The following PTPRJ variants were observed in gnomAD, a reference collection of about 807,000 sequenced individuals.
The protein encoded by PTPRJ is protein tyrosine phosphatase receptor type J.
Under a neutral mutation model 141.3 loss-of-function variants are expected in PTPRJ, and 129 were observed. The ratio of observed to expected loss-of-function variants is 0.91; its 90% CI spans 0.79 to 1.06. The LOEUF (loss-of-function observed/expected upper bound fraction) is 1.06. Among genes scored for constraint, PTPRJ ranks in the 50% least tolerant of loss-of-function variants. The pLI is 0.00. For missense variants in PTPRJ, 1,601 were observed against 1,679.7 expected (o/e 0.95, Z 0.82); for synonymous variants, 610 against 640.5 (o/e 0.95, Z 0.72).
chr11:48,160,524 G>C lies in PTPRJ; in HGVS notation c.3558+475G>C, dbSNP rs187819740. Among the ~76,000 whole-genome samples, 84 of 152,284 alleles carry C rather than the reference G, an allele frequency of 5.5e-4. 1 individual carries two copies. Among genetic ancestry groups the C allele is most frequent in the Admixed American group, 8.5e-4 (13 of 15,296 alleles). ...TTACAAAAGCAAATCCAATTAAATT[G>C]TGCAGGCATTCTAGGAAGTCAAGTT... On this transcript the variant is annotated intron_variant, in intron 22 of 24. Coordinates refer to ENST00000418331, the MANE Select transcript of PTPRJ (RefSeq NM_002843.4).
At chr11:48,036,965 G>C (rs1854141640) in intron 1 of PTPRJ, among the ~76,000 whole-genome samples, 1 of 152,176 alleles carries the variant, frequency 6.6e-6, no homozygotes, top group Admixed American at 6.5e-5. Flanking sequence ...AGGTAAGTCA[G>C]CTTGTATCAG....
rs762772887 is a variant in PTPRJ, at chr11:48,125,095, G to A, written c.1002G>A (p.Gly334=). The stretch of plus-strand genomic sequence containing the variant: ...GAGACACGGAAGTCCTGCTTGTCGG[G>A]TTAGAGCCTGGCACCCGATACAATG... ...QSRDTEVLLV[G]LEPGTRYNAT... is the part of the protein sequence containing the mutation. Residue 334 remains glycine (G), a synonymous_variant, in exon 6 of 25, where the codon GGG becomes GGA. Transcript: ENST00000418331. 7.4e-6 allele frequency: 12 copies of A among 1,613,920 alleles called. No homozygotes were observed. The African/African-American group carries it at 1.3e-4, about 18-fold the overall frequency.
At position 48,076,693 on chromosome 11, in the gene PTPRJ, A is replaced by G. The variant is rs544498696; in HGVS notation, c.97-33365A>G. On this transcript the variant is annotated intron_variant, in intron 1 of 24. Transcript: ENST00000418331. ...GGTTGCATTTAAGATTTTTTTTGGG[A>G]CTTCTATTTTTATAATTCTTTTAAA... Among the ~76,000 whole-genome samples the G allele has an allele frequency of 3.5e-3, 520 of 150,558 alleles. 8 individuals carry two copies. The highest frequency in any genetic ancestry group is 0.019 in the South Asian group (91 of 4,790).
intron 1 of PTPRJ, among the ~76,000 whole-genome samples, chr11:48,085,063 A>G (rs1855662430): frequency 6.6e-6 from 1 of 152,176 alleles, no homozygotes; most frequent in Non-Finnish European, 1.5e-5. Context: ...TGTAACAGCA[A>G]AGAAAAATAT....
intron 1 of PTPRJ, among the ~76,000 whole-genome samples, chr11:48,089,635 T>C (rs1855815496): frequency 6.6e-6 from 1 of 152,152 alleles, no homozygotes; most frequent in South Asian, 2.1e-4. Context: ...TTAAAAAATG[T>C]GTTAAAAAAT....
intron 1 of PTPRJ, among the ~76,000 whole-genome samples, chr11:48,097,570 C>G (rs756984188): frequency 6.6e-6 from 1 of 151,336 alleles, no homozygotes; most frequent in African/African-American, 2.4e-5. Context: ...TGGAGTCTCA[C>G]TTTGTTGCAT....
rs777651558 is a variant in PTPRJ, at chr11:48,128,341, C to T, written c.1357+298C>T. 1.2e-3 allele frequency among the ~76,000 whole-genome samples: 184 copies of T among 152,276 alleles called. 1 individual carries two copies. Among genetic ancestry groups the T allele is most frequent in the Admixed American group, 4.2e-3 (64 of 15,298 alleles). ...TGGTATTTCTCACCTGGAGCCTGCGCTTGTAACTCTCTTTCCAGTGTGGAG... is the reference window on the plus strand; with the variant it reads ...TGGTATTTCTCACCTGGAGCCTGCGTTTGTAACTCTCTTTCCAGTGTGGAG... On this transcript the variant is annotated intron_variant, in intron 7 of 24. Transcript: ENST00000418331.
At chr11:48,021,779 T>C (rs764287300) in intron 1 of PTPRJ, among the ~76,000 whole-genome samples, 7 of 152,152 alleles carry the variant, frequency 4.6e-5, no homozygotes, top group Non-Finnish European at 1.0e-4. Flanking sequence ...GGTTTTGTTT[T>C]GTTTTGTTTT....
intron 1 of PTPRJ, among the ~76,000 whole-genome samples, chr11:47,981,478 G>A (rs1202652697): frequency 1.3e-5 from 2 of 152,188 alleles, no homozygotes; most frequent in Non-Finnish European, 2.9e-5. Context: ...CGACAGGGCA[G>A]GGCCAGGCGC....
At position 48,157,533 on chromosome 11, in the gene PTPRJ, G is replaced by A. The variant is rs569273739; in HGVS notation, c.3438+1414G>A. 2.6e-5 allele frequency among the ~76,000 whole-genome samples: 4 copies of A among 152,330 alleles called. No individual in the cohort carries two copies. The South Asian group carries it at 8.3e-4, about 32-fold the overall frequency. ...TTCTACCCTCAGAGTTTCTAATTCGGAATTGCGTTTCTGCCAGTTTCTGGG... is the reference window on the plus strand; with the variant it reads ...TTCTACCCTCAGAGTTTCTAATTCGAAATTGCGTTTCTGCCAGTTTCTGGG... On this transcript the variant is annotated intron_variant, in intron 21 of 24. Coordinates refer to ENST00000418331, the MANE Select transcript of PTPRJ (RefSeq NM_002843.4).
chr11:48,121,327 G>A lies in PTPRJ; in HGVS notation c.616+61G>A, dbSNP rs1856703508. On this transcript the variant is annotated intron_variant, in intron 4 of 24. Coordinates refer to ENST00000418331, the MANE Select transcript of PTPRJ (RefSeq NM_002843.4). ...ATTTCTTATTATGGTGTATTCTAGG[G>A]CCTTGTCCGTTCAAGTTGCCTGTTG... 6 of 1,542,066 alleles carry A rather than the reference G, an allele frequency of 3.9e-6. No individual in the cohort carries two copies. In the East Asian group the frequency reaches 1.4e-4, roughly 35 times the overall value.
At chr11:48,085,258 ACT>A (rs1491475590) in intron 1 of PTPRJ, among the ~76,000 whole-genome samples, 2 of 80,336 alleles carry the variant, frequency 2.5e-5, no homozygotes, top group Admixed American at 1.5e-4. Context: ...TATCTCTCTC[ACT>A]TTTTTTTTTT....
intron 1 of PTPRJ, among the ~76,000 whole-genome samples, chr11:48,050,600 C>G (rs1337585063): frequency 1.3e-5 from 2 of 152,166 alleles, no homozygotes; most frequent in Non-Finnish European, 2.9e-5. Context: ...GTATTTGAAG[C>G]CCCTGAGCCT....
chr11:48,117,628 A>T (rs1856604120), intron 3 of PTPRJ, among the ~76,000 whole-genome samples: 1 of 151,184 alleles, frequency 6.6e-6, no homozygotes, highest in Admixed American at 6.6e-5. Context: ...AAAAAACAAA[A>T]CAAAACCCTC....
chr11:48,089,530 A>C (rs1282127205), intron 1 of PTPRJ, among the ~76,000 whole-genome samples: 3 of 150,484 alleles, frequency 2.0e-5, no homozygotes, highest in Admixed American at 6.6e-5. Flanking sequence ...AAAAAAAAAA[A>C]AACAAAAAAA....
intron 1 of PTPRJ, among the ~76,000 whole-genome samples, chr11:48,051,793 A>G (rs1439570407): frequency 6.6e-6 from 1 of 152,236 alleles, no homozygotes. Flanking sequence ...CATTTTGAGC[A>G]TGAGTTCAGG....
At chr11:48,074,060 GC>G (rs1855336573) in intron 1 of PTPRJ, among the ~76,000 whole-genome samples, 1 of 152,130 alleles carries the variant, frequency 6.6e-6, no homozygotes, top group Non-Finnish European at 1.5e-5. Context: ...GCTCACTGCA[GC>G]CTTGACCTCC....
Position 48,123,987 on chromosome 11 carries a change from T to C in PTPRJ, c.874+117T>C. 2 of 1,216,302 alleles carry C rather than the reference T, an allele frequency of 1.6e-6. 1 individual carries two copies. The highest frequency in any genetic ancestry group is 3.2e-5 in the South Asian group (2 of 63,068). The allele number at this position is 1,216,302 out of a possible 1,614,324, so 75.3% of individuals were successfully genotyped here. A position where few individuals can be genotyped will look rare whatever the true frequency, so the allele number is the denominator to read the frequency against. On this transcript the variant is annotated intron_variant, in intron 5 of 24. Coordinates refer to ENST00000418331, the MANE Select transcript of PTPRJ (RefSeq NM_002843.4). Reference sequence around the variant, plus strand: ...TGGAGATTTAGAATTTATAAAGGGCTTTTCCTCCACATTTTAGTTTGATCC... The same window carrying C: ...TGGAGATTTAGAATTTATAAAGGGCCTTTCCTCCACATTTTAGTTTGATCC...
At position 48,128,018 on chromosome 11, in the gene PTPRJ, G is replaced by GCCGGGCTTCCTCCAAGTGCACA. The variant is rs780180356; in HGVS notation, c.1335_1356dup (p.Pro453GlyfsTer14). 6.2e-7 allele frequency: 1 copy of GCCGGGCTTCCTCCAAGTGCACA among 1,613,354 alleles called. No individual in the cohort carries two copies. The highest frequency in any genetic ancestry group is 8.5e-7 in the Non-Finnish European group (1 of 1,179,402). ...CTGTCCTAGGTGACATCGAGGGCACGCCGGGCTTCCTCCAAGTGCACACCC... is the reference window on the plus strand; with the variant it reads ...CTGTCCTAGGTGACATCGAGGGCACGCCGGGCTTCCTCCAAGTGCACACCGGGCTTCCTCCAAGTGCACACCC... On this transcript the variant is annotated frameshift_variant, in exon 7 of 25. Coordinates refer to ENST00000418331, the MANE Select transcript of PTPRJ (RefSeq NM_002843.4). LOFTEE classifies it high-confidence loss of function.
Sources: allele counts gnomAD v4.1 joint callset (sites outside exome capture counted in the v4.1 genomes callset), GRCh38; gene constraint gnomAD v4.1.1; transcripts MANE v1.5; gene names NCBI Gene and HGNC (gene_info 2026-07-23, HGNC 2026-07-21).